WDFY4: variants seen among roughly 807,000 people sequenced by gnomAD.
WDFY4 encodes the protein WD repeat- and FYVE domain-containing protein 4.
WDFY4 carries 169 observed loss-of-function variants against 351.9 expected under a neutral mutation model. That is an observed-to-expected ratio of 0.48 (90% CI 0.42 to 0.55). The LOEUF is 0.55. WDFY4 is among the 20% of genes least tolerant of loss of function. The probability of loss-of-function intolerance (pLI) is 0.00; values close to 1 mark genes in which losing one functional copy is unlikely to be tolerated. For synonymous variants in WDFY4, 1,622 were observed against 1,574.6 expected, an observed-to-expected ratio of 1.03 and a Z score of -0.71; for missense variants, 3,803 against 3,935.6, an observed-to-expected ratio of 0.97 and a Z score of 0.90.
At chr10:48,851,933 C>A (rs1297705735) in intron 39 of WDFY4, among the ~76,000 whole-genome samples, 1 of 152,242 alleles carries the variant, frequency 6.6e-6, no homozygotes, top group African/African-American at 2.4e-5. Context: ...GCTTTGCCTC[C>A]CAAATCTCCA....
intron 13 of WDFY4, among the ~76,000 whole-genome samples, chr10:48,765,113 A>T (rs1188005920): frequency 6.6e-6 from 1 of 152,242 alleles, no homozygotes; most frequent in African/African-American, 2.4e-5. Flanking sequence ...TGAATAGAAC[A>T]TATGGATGAG....
At chr10:48,864,242 T>C (rs2069453757) in intron 39 of WDFY4, among the ~76,000 whole-genome samples, 1 of 152,244 alleles carries the variant, frequency 6.6e-6, no homozygotes, top group African/African-American at 2.4e-5. Flanking sequence ...TTTTGTTTCA[T>C]TTTAAGTTAA....
chr10:48,772,168 G>A (rs547765245), intron 13 of WDFY4, among the ~76,000 whole-genome samples: 57 of 152,280 alleles, frequency 3.7e-4, no homozygotes, highest in Non-Finnish European at 6.3e-4. Context: ...GGACTCGGGA[G>A]GGAAGGAGAG....
chr10:48,805,416 G>C lies in WDFY4; in HGVS notation c.4641G>C (p.Leu1547Phe), dbSNP rs2067220590. ...GGGGCCACTTCAGCACCCAGGACTT[G>C]CTCAGGTACCACACCAAGCTGCCCA... Reference protein sequence around the residue: ...QLRGHFSTQDLLRIGLFVVYT... With the variant: ...QLRGHFSTQDFLRIGLFVVYT... Residue 1547 changes from leucine (L) to phenylalanine (F), a missense_variant, in exon 26 of 62, where the codon TTG (leucine) becomes TTC (phenylalanine). Transcript: ENST00000325239. The C allele has an allele frequency of 6.5e-7, 1 of 1,547,984 alleles. No individual in the cohort carries two copies. Among genetic ancestry groups the C allele is most frequent in the Admixed American group, 2.0e-5 (1 of 50,978 alleles).
chr10:48,862,009 A>G (rs530444636), intron 39 of WDFY4, among the ~76,000 whole-genome samples: 27 of 152,116 alleles, frequency 1.8e-4, no homozygotes, highest in Middle Eastern at 3.4e-3. Context: ...TATATCTTCT[A>G]TTTATCTGAT....
chr10:48,975,293 G>A (rs1842519172), intron 58 of WDFY4: 1 of 596,442 alleles, frequency 1.7e-6, no homozygotes, highest in South Asian at 2.0e-5. Context: ...GGCACCAGGG[G>A]GCTGCAGCTG....
intron 43 of WDFY4, among the ~76,000 whole-genome samples, chr10:48,882,499 T>A (rs61848068): frequency 0.13 from 19,757 of 152,000 alleles, 1,431 homozygotes; most frequent in Middle Eastern, 0.21. Flanking sequence ...TCCATTTGAG[T>A]TGCTATAAAG....
intron 28 of WDFY4, among the ~76,000 whole-genome samples, chr10:48,808,162 A>G (rs1002470109): frequency 2.8e-4 from 43 of 152,250 alleles, no homozygotes; most frequent in African/African-American, 1.0e-3. Context: ...TGTTAAGTGG[A>G]CATGAGTAAC....
chr10:48,962,617 A>G (rs1841911543), intron 53 of WDFY4, among the ~76,000 whole-genome samples: 1 of 152,208 alleles, frequency 6.6e-6, no homozygotes. Context: ...GGCTCTATGC[A>G]TGAAAGATCC....
chr10:48,865,245 C>T (rs1041682865), intron 39 of WDFY4, among the ~76,000 whole-genome samples: 40 of 152,046 alleles, frequency 2.6e-4, no homozygotes, highest in Non-Finnish European at 2.9e-5. Flanking sequence ...TTCTTTTTCC[C>T]CACCCAGTTG....
intron 40 of WDFY4, among the ~76,000 whole-genome samples, chr10:48,871,479 T>C (rs1310899103): frequency 6.6e-6 from 1 of 151,780 alleles, no homozygotes; most frequent in African/African-American, 2.4e-5. Flanking sequence ...CCCCCTTTTT[T>C]TTTTTTTCTG....
At chr10:48,935,855 G>C (rs1381909606) in intron 47 of WDFY4, among the ~76,000 whole-genome samples, 1 of 151,062 alleles carries the variant, frequency 6.6e-6, no homozygotes, top group East Asian at 1.9e-4. Context: ...TTTCCAGCCT[G>C]GCATTATCAT....
rs1842862783 is a variant in WDFY4, at chr10:48,982,834, A to C, written c.*259A>C. On this transcript the variant is annotated 3_prime_UTR_variant, in exon 62 of 62. Coordinates refer to ENST00000325239, the MANE Select transcript of WDFY4 (RefSeq NM_001394531.1). ...CTGTGACTTGGTGATGCCCAGCTGC[A>C]CACGAAATTACACATGACTCACCTT... 1 of 548,126 alleles carries C rather than the reference A, an allele frequency of 1.8e-6. No individual in the cohort carries two copies. The highest frequency in any genetic ancestry group is 2.2e-5 in the Admixed American group (1 of 44,698). The allele number at this position is 548,126 out of a possible 1,614,324, so 34.0% of individuals were successfully genotyped here. A position where few individuals can be genotyped will look rare whatever the true frequency, so the allele number is the denominator to read the frequency against.
chr10:48,740,771 C>G (rs1589497307), intron 11 of WDFY4, among the ~76,000 whole-genome samples: 1 of 152,200 alleles, frequency 6.6e-6, no homozygotes, highest in Non-Finnish European at 1.5e-5. Context: ...TTGACTGCCC[C>G]CTTTAGTGGG....
In WDFY4 at chr10:48,774,607, C is replaced by T. The variant is rs779036779; in HGVS notation, c.2703C>T (p.Leu901=). The T allele has an allele frequency of 3.2e-6, 5 of 1,551,616 alleles. No individual in the cohort carries two copies. Among genetic ancestry groups the T allele is most frequent in the African/African-American group, 2.7e-5 (2 of 73,072 alleles). Residue 901 remains leucine (L), a synonymous_variant, in exon 14 of 62, where the codon CTC becomes CTT. Coordinates refer to ENST00000325239, the MANE Select transcript of WDFY4 (RefSeq NM_001394531.1). ...HRALVTSGSP[L]HSRLIRIFEK... Reference sequence around the variant, plus strand: ...CCCTGGTCACCAGTGGCAGCCCCCTCCACTCACGCCTCATCAGGATCTTTG... The same window carrying T: ...CCCTGGTCACCAGTGGCAGCCCCCTTCACTCACGCCTCATCAGGATCTTTG...
At chr10:48,843,176 C>G (rs2068666818) in intron 39 of WDFY4, among the ~76,000 whole-genome samples, 1 of 152,190 alleles carries the variant, frequency 6.6e-6, no homozygotes, top group Non-Finnish European at 1.5e-5. Flanking sequence ...ACGGAAACAT[C>G]TAGTTTGGAA....
Position 48,779,926 on chromosome 10 carries a change from C to A in WDFY4, c.3398-15C>A. On this transcript the variant is annotated splice_polypyrimidine_tract_variant and intron_variant, in intron 18 of 61. Transcript: ENST00000325239. ...AGCACCACACGTGAGACTCAGTGTT[C>A]ATGCTGTCTTCCAGATGTCATGGAA... The A allele has an allele frequency of 6.4e-7, 1 of 1,551,152 alleles. No individual in the cohort carries two copies. Among genetic ancestry groups the A allele is most frequent in the South Asian group, 1.2e-5 (1 of 84,014 alleles).
At chr10:48,754,665 C>T (rs2132486028) in intron 12 of WDFY4, among the ~76,000 whole-genome samples, 1 of 151,922 alleles carries the variant, frequency 6.6e-6, no homozygotes, top group East Asian at 1.9e-4. Flanking sequence ...TACACCCTTC[C>T]CCTCACACCC....
chr10:48,974,516 A>AACAAAAAAAACAAAC (rs1554824247), intron 57 of WDFY4, among the ~76,000 whole-genome samples: 2 of 16,332 alleles, frequency 1.2e-4, no homozygotes, highest in African/African-American at 1.7e-4. Flanking sequence ...AAAAAAAAAA[A>AACAAAAAAAACAAAC]AAAAAAAAAA....
Sources: allele counts gnomAD v4.1 joint callset (sites outside exome capture counted in the v4.1 genomes callset), GRCh38; gene constraint gnomAD v4.1.1; transcripts MANE v1.5; gene names NCBI Gene and HGNC (gene_info 2026-07-23, HGNC 2026-07-21).